Variants in PIKFYVE observed in about 807,000 individuals in gnomAD.
The protein encoded by PIKFYVE is 1-phosphatidylinositol 3-phosphate 5-kinase.
In PIKFYVE, 122 loss-of-function variants were observed where a neutral mutation model predicts 257.9. The ratio of observed to expected loss-of-function variants is 0.47; its 90% CI spans 0.41 to 0.55. The LOEUF is 0.55. Ranked by LOEUF, PIKFYVE falls within the 20% of genes least tolerant of loss-of-function variation. The pLI is 0.00. For missense variants in PIKFYVE, 2,160 were observed against 2,536.6 expected, an observed-to-expected ratio of 0.85 and a Z score of 3.19; for synonymous variants, 892 against 868.9, an observed-to-expected ratio of 1.03 and a Z score of -0.47.
chr2:208,339,950 C>A (rs1698542852), intron 30 of PIKFYVE, 61 bp from the exon 31 acceptor site: 12 of 1,560,180 alleles, frequency 7.7e-6, no homozygotes, highest in Non-Finnish European at 1.1e-5. Flanking sequence ...CCAAAGTCAG[C>A]AGTTTATACT....
At chr2:208,350,725 T>A in intron 36 of PIKFYVE, 46 bp from the exon 37 acceptor site, 1 of 1,602,528 alleles carries the variant, frequency 6.2e-7, no homozygotes, top group Non-Finnish European at 8.5e-7. Flanking sequence ...AGGAAAGATA[T>A]TTTCTGAGTC....
At chr2:208,330,886 G>T (rs1461303628) in intron 23 of PIKFYVE, among the ~76,000 whole-genome samples, 192 bp downstream of exon 23, 5 of 151,932 alleles carry the variant, frequency 3.3e-5, no homozygotes, top group African/African-American at 1.2e-4. Context: ...TCCCATCTTA[G>T]GAATGTATCA....
chr2:208,276,964 A>T (rs1690191382), intron 4 of PIKFYVE, 134 bp downstream of exon 4: 1 of 665,876 alleles, frequency 1.5e-6, no homozygotes, highest in African/African-American at 1.8e-5. Context: ...CCCTATTTTT[A>T]TACATAAGTT....
intron 7 of PIKFYVE, among the ~76,000 whole-genome samples, chr2:208,292,452 G>A (rs1692437694): frequency 6.6e-6 from 1 of 151,994 alleles, no homozygotes. Context: ...ATCAGTTTTT[G>A]CCTCATATAT....
intron 21 of PIKFYVE, among the ~76,000 whole-genome samples, chr2:208,328,544 T>G (rs1322959735): frequency 6.6e-6 from 1 of 152,232 alleles, no homozygotes; most frequent in Admixed American, 6.5e-5. Context: ...TGACTTTCCC[T>G]TATCTGAAAT....
intron 7 of PIKFYVE, among the ~76,000 whole-genome samples, chr2:208,289,899 A>G (rs1178144796): frequency 6.6e-6 from 1 of 152,194 alleles, no homozygotes; most frequent in Non-Finnish European, 1.5e-5. Flanking sequence ...ACATGTATGC[A>G]TATTTTCTGA....
chr2:208,320,485 C>G, intron 17 of PIKFYVE, 126 bp downstream of exon 17: 2 of 1,097,114 alleles, frequency 1.8e-6, no homozygotes, highest in Non-Finnish European at 2.7e-6. Context: ...GATAGCTTAC[C>G]AAAACCTCTG....
At position 208,357,561 on chromosome 2, in the gene PIKFYVE, A is replaced by C. The variant is rs1000369588; in HGVS notation, c.*2256A>C. The C allele has an allele frequency of 6.6e-6, 1 of 152,044 alleles. No homozygotes were observed. Among genetic ancestry groups the C allele is most frequent in the Non-Finnish European group, 1.5e-5 (1 of 68,028 alleles). 9.4% of individuals were successfully genotyped at this position (152,044 alleles called of 1,614,324 possible). On this transcript the variant is annotated 3_prime_UTR_variant, in exon 42 of 42. Transcript: ENST00000264380. ...GTGGCAAAAATTTTCAATATAATAC[A>C]TTCTGAAACAATAGTTGCTGCCTTG...
At chr2:208,313,093 G>A (rs1695103046) in intron 13 of PIKFYVE, among the ~76,000 whole-genome samples, 1 of 152,172 alleles carries the variant, frequency 6.6e-6, no homozygotes, top group African/African-American at 2.4e-5. Context: ...ACTTTACTGT[G>A]TAATCTGCTG....
intron 25 of PIKFYVE, 46 bp downstream of exon 25, chr2:208,335,465 A>G (rs769585268): frequency 7.6e-6 from 10 of 1,313,856 alleles, no homozygotes; most frequent in South Asian, 1.2e-5. Flanking sequence ...ATTTACAGCT[A>G]TTTTAAAGTA....
chr2:208,357,640 C>A lies in PIKFYVE; in HGVS notation c.*2335C>A, dbSNP rs1700234483. Reference sequence around the variant, plus strand: ...ACAGTATTAATGAAGGGGAAATATACAATTTATTTCTATTGAGTGGTAGAA... The same window carrying A: ...ACAGTATTAATGAAGGGGAAATATAAAATTTATTTCTATTGAGTGGTAGAA... On this transcript the variant is annotated 3_prime_UTR_variant, in exon 42 of 42. Coordinates refer to ENST00000264380, the MANE Select transcript of PIKFYVE (RefSeq NM_015040.4). 1.3e-5 allele frequency: 2 copies of A among 152,122 alleles called. No homozygotes were observed. Among genetic ancestry groups the A allele is most frequent in the African/African-American group, 4.8e-5 (2 of 41,412 alleles). 9.4% of individuals were successfully genotyped at this position (152,122 alleles called of 1,614,324 possible).
intron 5 of PIKFYVE, among the ~76,000 whole-genome samples, chr2:208,282,406 AAC>A (rs1690932501): frequency 6.6e-6 from 1 of 152,226 alleles, no homozygotes. Flanking sequence ...AGGATACACA[AAC>A]ACACATTTAT....
rs1689697351 is a variant in PIKFYVE, at chr2:208,273,490, C to A, written c.173-94C>A. 15 of 1,423,826 alleles carry A rather than the reference C, an allele frequency of 1.1e-5. No homozygotes were observed. The South Asian group carries it at 1.7e-4, about 16-fold the overall frequency. The allele number at this position is 1,423,826 out of a possible 1,614,324, so 88.2% of individuals were successfully genotyped here. A position where few individuals can be genotyped will look rare whatever the true frequency, so the allele number is the denominator to read the frequency against. The stretch of plus-strand genomic sequence containing the variant: ...AAAATTTTTAGTTACGCATATAATA[C>A]ATGCATACATTGTTGCCTGAAAATT... On this transcript the variant is annotated intron_variant, in intron 2 of 41. Transcript: ENST00000264380.
chr2:208,342,511 C>G (rs766789566), intron 31 of PIKFYVE, 43 bp from the exon 32 acceptor site: 18 of 1,408,188 alleles, frequency 1.3e-5, no homozygotes, highest in Non-Finnish European at 1.5e-5. Context: ...ATTCTTAACT[C>G]TAGAGTACTT....
intron 12 of PIKFYVE, among the ~76,000 whole-genome samples, chr2:208,311,519 T>C (rs1404769711): frequency 6.6e-6 from 1 of 152,146 alleles, no homozygotes; most frequent in Non-Finnish European, 1.5e-5. Context: ...AAGAACCTCA[T>C]TTGAGCTATG....
At chr2:208,339,671 A>G in intron 30 of PIKFYVE, 116 bp downstream of exon 30, 1 of 1,340,544 alleles carries the variant, frequency 7.5e-7, no homozygotes, top group South Asian at 1.2e-5. Flanking sequence ...TCATAATAAC[A>G]GATTCATGCC....
At chr2:208,319,012 T>C (rs1695892832) in intron 16 of PIKFYVE, among the ~76,000 whole-genome samples, 1 of 151,880 alleles carries the variant, frequency 6.6e-6, no homozygotes, top group South Asian at 2.1e-4. Context: ...TGTTGGTCCT[T>C]GCATTTTGAG....
At chr2:208,345,450 A>G (rs1699141774) in intron 33 of PIKFYVE, among the ~76,000 whole-genome samples, 2 of 152,118 alleles carry the variant, frequency 1.3e-5, no homozygotes, top group African/African-American at 4.8e-5. Flanking sequence ...GACATTTTTG[A>G]AAAAAATGAA....
At chr2:208,286,045 C>CAGTTAACACTTACCCTCTT in intron 6 of PIKFYVE, 112 bp downstream of exon 6, 1 of 1,094,010 alleles carries the variant, frequency 9.1e-7, no homozygotes, top group Non-Finnish European at 1.3e-6. Context: ...CCTGTCAGTT[C>CAGTTAACACTTACCCTCTT]ACTGTGTTCT....
Sources: gnomAD v4.1 joint callset for allele counts (sites outside exome capture counted in the v4.1 genomes callset) on GRCh38, gnomAD v4.1.1 for gene constraint, MANE v1.5 for transcripts, NCBI Gene and HGNC (gene_info 2026-07-23, HGNC 2026-07-21) for gene names.